Variants in LRRC4C observed in about 807,000 individuals in gnomAD.
LRRC4C encodes the protein leucine-rich repeat-containing protein 4C.
Under a neutral mutation model 33.6 loss-of-function variants are expected in LRRC4C, and 5 were observed. That is an observed-to-expected ratio of 0.15 (90% CI 0.08 to 0.31). LRRC4C has a LOEUF of 0.31. Among genes scored for constraint, LRRC4C ranks in the 10% least tolerant of loss-of-function variants. LRRC4C has a pLI of 1.00. For missense variants in LRRC4C, 560 were observed against 796.7 expected (o/e 0.70, Z 3.58); for synonymous variants, 329 against 302.0 (o/e 1.09, Z -0.93).
At chr11:40,951,368 G>T (rs1311333655) in intron 1 of LRRC4C, among the ~76,000 whole-genome samples, 1 of 151,836 alleles carries the variant, frequency 6.6e-6, no homozygotes, top group East Asian at 1.9e-4. Flanking sequence ...TGAACTGCCT[G>T]CTATTGTGCT....
At chr11:40,369,072 C>T (rs1253911396) in intron 3 of LRRC4C, among the ~76,000 whole-genome samples, 12 of 152,172 alleles carry the variant, frequency 7.9e-5, no homozygotes, top group African/African-American at 2.4e-4. Context: ...TTATTTACTA[C>T]GTTCACTCAA....
At chr11:40,472,664 A>G (rs1953001981) in intron 3 of LRRC4C, among the ~76,000 whole-genome samples, 1 of 152,000 alleles carries the variant, frequency 6.6e-6, no homozygotes, top group South Asian at 2.1e-4. Flanking sequence ...AAATCAATGA[A>G]TCCAGGAGCT....
intron 4 of LRRC4C, among the ~76,000 whole-genome samples, chr11:40,246,368 G>A (rs575418563): frequency 4.9e-4 from 74 of 152,092 alleles, no homozygotes; most frequent in South Asian, 8.3e-4. Context: ...AATACTCAAC[G>A]TTATTTTGTT....
chr11:40,943,373 A>G (rs769901705), intron 1 of LRRC4C, among the ~76,000 whole-genome samples: 3 of 152,156 alleles, frequency 2.0e-5, no homozygotes, highest in Admixed American at 6.6e-5. Context: ...GCTTGACTTC[A>G]AAACCCGTAT....
chr11:41,283,338 C>T (rs569615312), intron 1 of LRRC4C, among the ~76,000 whole-genome samples: 2 of 152,054 alleles, frequency 1.3e-5, no homozygotes, highest in Non-Finnish European at 2.9e-5. Context: ...TTGAGTCAAC[C>T]CTTTTGTATT....
chr11:41,219,736 G>C (rs1469424325), intron 1 of LRRC4C, among the ~76,000 whole-genome samples: 1 of 152,218 alleles, frequency 6.6e-6, no homozygotes, highest in African/African-American at 2.4e-5. Context: ...AATCACGTTT[G>C]TGTGCAGGGG....
chr11:40,617,496 C>T (rs971267140), intron 3 of LRRC4C, among the ~76,000 whole-genome samples: 6 of 151,576 alleles, frequency 4.0e-5, no homozygotes, highest in Non-Finnish European at 8.9e-5. Flanking sequence ...GGTTTGGGCA[C>T]ATTTCTGAGC....
At position 40,391,445 on chromosome 11, in the gene LRRC4C, G is replaced by A. The variant is rs115784199; in HGVS notation, c.-269-71724C>T. On this transcript the variant is annotated intron_variant, in intron 3 of 6. Transcript: ENST00000528697. Reference sequence around the variant, plus strand: ...GCACTGCTTTAAGCACTTTATAAATGTGATCTCATTTAAGCTTTATAACAA... The same window carrying A: ...GCACTGCTTTAAGCACTTTATAAATATGATCTCATTTAAGCTTTATAACAA... 7.3e-3 allele frequency among the ~76,000 whole-genome samples: 1,118 copies of A among 152,208 alleles called. 13 individuals carry two copies. The highest frequency in any genetic ancestry group is 0.025 in the African/African-American group (1,057 of 41,526).
At chr11:40,970,947 C>G (rs1392196264) in intron 1 of LRRC4C, among the ~76,000 whole-genome samples, 1 of 152,156 alleles carries the variant, frequency 6.6e-6, no homozygotes, top group Non-Finnish European at 1.5e-5. Context: ...CAGTGAAGCA[C>G]TTAAGAATTG....
At chr11:40,267,731 T>C (rs565553779) in intron 4 of LRRC4C, among the ~76,000 whole-genome samples, 2 of 152,314 alleles carry the variant, frequency 1.3e-5, no homozygotes, top group South Asian at 4.2e-4. Context: ...ATAATCATAC[T>C]TTGGTATGTT....
chr11:41,044,730 GAAAACTGTCTTC>G (rs1182315059), intron 1 of LRRC4C, among the ~76,000 whole-genome samples: 1 of 152,098 alleles, frequency 6.6e-6, no homozygotes, highest in Non-Finnish European at 1.5e-5. Context: ...TACTAGTGGA[GAAAACTGTCTTC>G]AAAAATCCCC....
chr11:40,174,336 T>TTAAATTAATTTGAA (rs1565089559), intron 5 of LRRC4C, among the ~76,000 whole-genome samples: 1 of 152,184 alleles, frequency 6.6e-6, no homozygotes, highest in African/African-American at 2.4e-5. Flanking sequence ...TAGTCTTCAC[T>TTAAATTAATTTGAA]GATTTAAATT....
intron 2 of LRRC4C, among the ~76,000 whole-genome samples, chr11:40,694,399 C>G (rs1269527269): frequency 6.6e-6 from 1 of 152,104 alleles, no homozygotes; most frequent in Non-Finnish European, 1.5e-5. Flanking sequence ...ATTTTCATCA[C>G]TTTCTTTTAT....
chr11:40,900,848 G>A (rs978098061), intron 2 of LRRC4C, among the ~76,000 whole-genome samples: 1 of 151,872 alleles, frequency 6.6e-6, no homozygotes, highest in African/African-American at 2.4e-5. Flanking sequence ...AGGTTAATTT[G>A]TAGTTTTTTT....
At chr11:41,389,703 C>T (rs2137983947) in intron 1 of LRRC4C, among the ~76,000 whole-genome samples, 1 of 145,128 alleles carries the variant, frequency 6.9e-6, no homozygotes, top group South Asian at 2.2e-4. Context: ...CATATAATTG[C>T]TTACACTGAA....
chr11:41,171,524 T>G (rs912288964), intron 1 of LRRC4C, among the ~76,000 whole-genome samples: 56 of 148,774 alleles, frequency 3.8e-4, no homozygotes, highest in Non-Finnish European at 5.9e-4. Context: ...CACTGCATGT[T>G]CTCACTCATA....
At chr11:41,009,139 A>C (rs1010030432) in intron 1 of LRRC4C, among the ~76,000 whole-genome samples, 1 of 152,082 alleles carries the variant, frequency 6.6e-6, no homozygotes, top group East Asian at 1.9e-4. Context: ...GGAAAGCTAA[A>C]TAGCTTCTTT....
rs1407012524 is a variant in LRRC4C, at chr11:40,849,075, A to G, written c.-407+84560T>C. Among the ~76,000 whole-genome samples, 4 of 152,156 alleles carry G rather than the reference A, an allele frequency of 2.6e-5. No homozygotes were observed. The South Asian group carries it at 6.2e-4, about 24-fold the overall frequency. ...GATGGGTCTCCTGAATACAGCACAC[A>G]TATGGTTCTTGACTATCCAATTTGC... On this transcript the variant is annotated intron_variant, in intron 2 of 6. Coordinates refer to ENST00000528697, the MANE Select transcript of LRRC4C (RefSeq NM_001258419.2).
intron 1 of LRRC4C, among the ~76,000 whole-genome samples, chr11:41,135,099 A>G (rs1327668297): frequency 2.6e-5 from 4 of 152,168 alleles, no homozygotes; most frequent in Non-Finnish European, 5.9e-5. Flanking sequence ...ATCACAGTCC[A>G]TGGCTCCTTA....
Sources: gnomAD v4.1 joint callset for allele counts (sites outside exome capture counted in the v4.1 genomes callset) on GRCh38, gnomAD v4.1.1 for gene constraint, MANE v1.5 for transcripts, NCBI Gene and HGNC (gene_info 2026-07-23, HGNC 2026-07-21) for gene names.